Variants in EHHADH observed in about 807,000 individuals in gnomAD.
The protein encoded by EHHADH is peroxisomal bifunctional enzyme.
EHHADH carries 48 observed loss-of-function variants against 64.4 expected under a neutral mutation model. The observed-to-expected ratio is 0.75, with a 90% CI of 0.59 to 0.95. EHHADH has a LOEUF of 0.95. Ranked by LOEUF, EHHADH falls within the 40% of genes least tolerant of loss-of-function variation. The pLI, the probability that EHHADH is intolerant of heterozygous loss-of-function variation, is 0.00. For missense variants in EHHADH, 854 were observed against 876.6 expected (o/e 0.97, Z 0.33); for synonymous variants, 308 against 326.7 (o/e 0.94, Z 0.62).
At chr3:185,227,454 C>T (rs1465866154) in intron 4 of EHHADH, among the ~76,000 whole-genome samples, 1 of 151,402 alleles carries the variant, frequency 6.6e-6, no homozygotes, top group Non-Finnish European at 1.5e-5. Context: ...ATTGCGTGAA[C>T]TCAGGAGGCA....
intron 5 of EHHADH, among the ~76,000 whole-genome samples, chr3:185,205,451 C>T (rs1186088372): frequency 6.6e-6 from 1 of 152,030 alleles, no homozygotes; most frequent in African/African-American, 2.4e-5. Flanking sequence ...AAGGAGACAG[C>T]GTGGTATTGA....
intron 4 of EHHADH, among the ~76,000 whole-genome samples, chr3:185,227,451 G>A (rs1299156433): frequency 1.3e-5 from 2 of 151,888 alleles, no homozygotes; most frequent in African/African-American, 4.8e-5. Flanking sequence ...AGAATTGCGT[G>A]AACTCAGGAG....
At chr3:185,206,907 C>G (rs1718411134) in intron 5 of EHHADH, among the ~76,000 whole-genome samples, 1 of 150,088 alleles carries the variant, frequency 6.7e-6, no homozygotes, top group Admixed American at 6.6e-5. Context: ...AGAATAACAC[C>G]CCCCCCACCA....
At chr3:185,215,519 T>C (rs1440836475) in intron 5 of EHHADH, among the ~76,000 whole-genome samples, 1 of 152,162 alleles carries the variant, frequency 6.6e-6, no homozygotes, top group Admixed American at 6.5e-5. Context: ...AAAGGATTTA[T>C]GGGAAAGGGG....
rs984525668 is a variant in EHHADH, at chr3:185,253,981, G to A, written c.42C>T (p.Ile14=). The part of the protein sequence containing the change: ...YTRLHNALAL[I]RLRNPPVNAI... ...CGTTGACCGGCGGGTTTCGGAGGCGGATTAGCGCCAAGGCGTTGTGCAGCC... is the reference window on the plus strand; with the variant it reads ...CGTTGACCGGCGGGTTTCGGAGGCGAATTAGCGCCAAGGCGTTGTGCAGCC... The change falls in exon 1 of 7, where the codon ATC becomes ATT. Residue 14 remains isoleucine, a synonymous_variant. Transcript: ENST00000231887. 6.2e-7 allele frequency: 1 copy of A among 1,614,024 alleles called. No homozygotes were observed. The highest frequency in any genetic ancestry group is 8.5e-7 in the Non-Finnish European group (1 of 1,179,950).
intron 5 of EHHADH, among the ~76,000 whole-genome samples, chr3:185,214,211 C>T (rs981453363): frequency 2.6e-5 from 4 of 152,122 alleles, no homozygotes; most frequent in African/African-American, 7.2e-5. Flanking sequence ...TCATTAAACC[C>T]CAAAACACAC....
intron 2 of EHHADH, among the ~76,000 whole-genome samples, chr3:185,236,271 T>C (rs1719290082): frequency 6.6e-6 from 1 of 152,152 alleles, no homozygotes; most frequent in East Asian, 1.9e-4. Context: ...TATTGTGAAC[T>C]GCACAAGTGA....
intron 6 of EHHADH, among the ~76,000 whole-genome samples, chr3:185,203,513 C>T (rs566566868): frequency 2.6e-5 from 4 of 152,112 alleles, no homozygotes; most frequent in African/African-American, 4.8e-5. Flanking sequence ...CACCAAAGAC[C>T]GTTCTTGAGC....
intron 5 of EHHADH, among the ~76,000 whole-genome samples, chr3:185,206,746 A>G (rs781283779): frequency 6.6e-6 from 1 of 151,896 alleles, no homozygotes; most frequent in Non-Finnish European, 1.5e-5. Context: ...GAAAATTGCT[A>G]GAACCTGAGA....
intron 1 of EHHADH, among the ~76,000 whole-genome samples, chr3:185,251,901 C>T (rs1255840011): frequency 6.6e-6 from 1 of 152,146 alleles, no homozygotes; most frequent in Admixed American, 6.6e-5. Flanking sequence ...TCCTGAGTAG[C>T]AGGGCCTGTT....
chr3:185,227,017 T>C (rs1281417342), intron 4 of EHHADH, among the ~76,000 whole-genome samples: 1 of 152,204 alleles, frequency 6.6e-6, no homozygotes, highest in Non-Finnish European at 1.5e-5. Context: ...GCCCAGCATA[T>C]GAGAGAAAAT....
intron 5 of EHHADH, among the ~76,000 whole-genome samples, chr3:185,215,674 A>G (rs907609467): frequency 1.3e-5 from 2 of 152,218 alleles, no homozygotes; most frequent in African/African-American, 2.4e-5. Flanking sequence ...TACAGCTGGA[A>G]AAAATAAAAA....
In EHHADH at chr3:185,239,192, T is replaced by C. The variant is rs1035689940; in HGVS notation, c.179-3730A>G. Among the ~76,000 whole-genome samples the C allele has an allele frequency of 1.3e-4, 20 of 152,310 alleles. 1 individual carries two copies. Among genetic ancestry groups the C allele is most frequent in the African/African-American group, 4.6e-4 (19 of 41,580 alleles). On this transcript the variant is annotated intron_variant, in intron 2 of 6. Transcript: ENST00000231887. Reference sequence around the variant, plus strand: ...TGCTGGTTTGGTTACCATAGCCTTATAATATAATATGAAGTCAGGTAATGT... The same window carrying C: ...TGCTGGTTTGGTTACCATAGCCTTACAATATAATATGAAGTCAGGTAATGT...
At position 185,248,536 on chromosome 3, in the gene EHHADH, C is replaced by T; in HGVS notation, c.75-19G>A. Reference sequence around the variant, plus strand: ...AGTCGTACTAAAAGAAAACAAAATACATGAAGTAAATCAGTCAGAATTAAA... The same window carrying T: ...AGTCGTACTAAAAGAAAACAAAATATATGAAGTAAATCAGTCAGAATTAAA... On this transcript the variant is annotated intron_variant, in intron 1 of 6. Transcript: ENST00000231887. 1.3e-6 allele frequency: 2 copies of T among 1,547,852 alleles called. No individual in the cohort carries two copies. Among genetic ancestry groups the T allele is most frequent in the Non-Finnish European group, 1.8e-6 (2 of 1,124,480 alleles).
intron 2 of EHHADH, 54 bp downstream of exon 2, chr3:185,248,360 C>T: frequency 7.8e-7 from 1 of 1,282,084 alleles, no homozygotes; most frequent in Non-Finnish European, 1.1e-6. Flanking sequence ...CAGTATTGGT[C>T]TCAGTCTGTG....
intron 6 of EHHADH, among the ~76,000 whole-genome samples, 188 bp downstream of exon 6, chr3:185,204,228 A>G (rs1718314519): frequency 6.6e-6 from 1 of 151,506 alleles, no homozygotes; most frequent in Non-Finnish European, 1.5e-5. Context: ...TTAGCTCACC[A>G]TTGAGAAGGC....
chr3:185,196,588 C>T (rs889014359), intron 6 of EHHADH, among the ~76,000 whole-genome samples: 9 of 151,854 alleles, frequency 5.9e-5, no homozygotes, highest in East Asian at 5.8e-4. Context: ...TGCACTGATC[C>T]GAAATCACGC....
intron 4 of EHHADH, 47 bp from the exon 5 acceptor site, chr3:185,218,287 A>C: frequency 7.2e-7 from 1 of 1,388,738 alleles, no homozygotes; most frequent in Non-Finnish European, 1.0e-6. Context: ...AGAGCGATGT[A>C]AGATTAAAGC....
intron 6 of EHHADH, among the ~76,000 whole-genome samples, chr3:185,203,238 G>A (rs1025158723): frequency 6.6e-6 from 1 of 151,904 alleles, no homozygotes; most frequent in East Asian, 1.9e-4. Context: ...CTTTTTCTTA[G>A]GGTTCAGAAA....
Sources: allele counts gnomAD v4.1 joint callset (sites outside exome capture counted in the v4.1 genomes callset), GRCh38; gene constraint gnomAD v4.1.1; transcripts MANE v1.5; gene names NCBI Gene and HGNC (gene_info 2026-07-23, HGNC 2026-07-21).